Variants in SLC24A3 observed in about 807,000 individuals in gnomAD.
The protein encoded by SLC24A3 is solute carrier family 24 member 3, also known as sodium/potassium/calcium exchanger 3.
A neutral mutation model predicts 75.8 loss-of-function variants in SLC24A3; 28 were observed. The ratio of observed to expected loss-of-function variants is 0.37; its 90% CI spans 0.27 to 0.51. The LOEUF is 0.51. Ranked by LOEUF, SLC24A3 falls within the 20% of genes least tolerant of loss-of-function variation. The probability of loss-of-function intolerance (pLI) is 0.94; values close to 1 mark genes in which losing one functional copy is unlikely to be tolerated. For synonymous variants in SLC24A3, 372 were observed against 334.1 expected, an observed-to-expected ratio of 1.11 and a Z score of -1.24; for missense variants, 663 against 847.8, an observed-to-expected ratio of 0.78 and a Z score of 2.71.
chr20:19,380,311 AAGGAGAGTGCGGTGTGAGAC>A (rs1986158542), intron 2 of SLC24A3, among the ~76,000 whole-genome samples: 1 of 151,828 alleles, frequency 6.6e-6, no homozygotes, highest in Non-Finnish European at 1.5e-5. Context: ...AGAATCAGAA[AAGGAGAGTGCGGTGTGAGAC>A]AGGGCTGGAG....
chr20:19,438,116 A>G (rs1987238297), intron 2 of SLC24A3, among the ~76,000 whole-genome samples: 1 of 152,146 alleles, frequency 6.6e-6, no homozygotes, highest in Non-Finnish European at 1.5e-5. Flanking sequence ...GTTTTTGAAA[A>G]TGTGAAATGA....
chr20:19,639,604 C>G (rs1457693448), intron 6 of SLC24A3, among the ~76,000 whole-genome samples: 1 of 152,270 alleles, frequency 6.6e-6, no homozygotes, highest in Non-Finnish European at 1.5e-5. Context: ...GTGGAGGTGC[C>G]TGCCAGTCCG....
chr20:19,581,229 G>T (rs1348905650), intron 4 of SLC24A3, among the ~76,000 whole-genome samples: 1 of 152,144 alleles, frequency 6.6e-6, no homozygotes, highest in South Asian at 2.1e-4. Flanking sequence ...TGAGAGTGGG[G>T]TCACCTTATG....
intron 1 of SLC24A3, among the ~76,000 whole-genome samples, chr20:19,215,530 C>G (rs1308804215): frequency 6.6e-6 from 1 of 152,114 alleles, no homozygotes; most frequent in Non-Finnish European, 1.5e-5. Flanking sequence ...TTAAATGTAA[C>G]TTCTCAGAAG....
chr20:19,414,935 T>C (rs1031476362), intron 2 of SLC24A3, among the ~76,000 whole-genome samples: 7 of 152,242 alleles, frequency 4.6e-5, no homozygotes, highest in African/African-American at 1.7e-4. Flanking sequence ...TGACTTTGTA[T>C]TGAGTTTTCT....
intron 15 of SLC24A3, among the ~76,000 whole-genome samples, chr20:19,710,801 G>A (rs956307240): frequency 3.0e-4 from 45 of 152,150 alleles, no homozygotes; most frequent in African/African-American, 1.1e-3. Flanking sequence ...TTGAAGTGTG[G>A]ATTACATGAG....
chr20:19,218,101 A>G (rs1047543982), intron 1 of SLC24A3, among the ~76,000 whole-genome samples: 17 of 152,274 alleles, frequency 1.1e-4, no homozygotes, highest in African/African-American at 3.9e-4. Context: ...TATCTTAAAT[A>G]TAGAGGCAAA....
chr20:19,224,851 T>C (rs1186730568), intron 1 of SLC24A3, among the ~76,000 whole-genome samples: 2 of 152,224 alleles, frequency 1.3e-5, no homozygotes, highest in Non-Finnish European at 2.9e-5. Flanking sequence ...TATAAAAATA[T>C]TTAATGCAAA....
intron 2 of SLC24A3, among the ~76,000 whole-genome samples, chr20:19,384,963 C>T (rs2122378746): frequency 6.6e-6 from 1 of 151,938 alleles, no homozygotes; most frequent in Non-Finnish European, 1.5e-5. Context: ...TTATCAGGAC[C>T]CTTGATCATT....
chr20:19,435,249 C>T (rs778322904), intron 2 of SLC24A3, among the ~76,000 whole-genome samples: 2 of 152,240 alleles, frequency 1.3e-5, no homozygotes, highest in African/African-American at 2.4e-5. Flanking sequence ...ATTTTCTCCT[C>T]TGTAAAATGA....
intron 2 of SLC24A3, among the ~76,000 whole-genome samples, chr20:19,447,887 G>T (rs1388761772): frequency 6.6e-6 from 1 of 152,212 alleles, no homozygotes; most frequent in Non-Finnish European, 1.5e-5. Flanking sequence ...CACAGAGTGG[G>T]TACTTCGTGA....
At chr20:19,654,793 G>A (rs547295677) in intron 7 of SLC24A3, among the ~76,000 whole-genome samples, 129 of 151,822 alleles carry the variant, frequency 8.5e-4, no homozygotes, top group African/African-American at 2.6e-3. Context: ...GACTACAGGC[G>A]TGCACCACCA....
chr20:19,582,351 AGGTTGTC>A (rs1409444927), intron 4 of SLC24A3, among the ~76,000 whole-genome samples: 3 of 152,236 alleles, frequency 2.0e-5, no homozygotes, highest in African/African-American at 7.2e-5. Context: ...AAAACACAGA[AGGTTGTC>A]GTTTCCAGCT....
chr20:19,307,020 C>G (rs1438993490), intron 2 of SLC24A3, among the ~76,000 whole-genome samples: 2 of 152,172 alleles, frequency 1.3e-5, no homozygotes, highest in African/African-American at 4.8e-5. Flanking sequence ...TCTGAAGGCT[C>G]TGGCTGTTCT....
chr20:19,224,514 C>T (rs1981824440), intron 1 of SLC24A3, among the ~76,000 whole-genome samples: 1 of 152,126 alleles, frequency 6.6e-6, no homozygotes, highest in African/African-American at 2.4e-5. Flanking sequence ...GGATAAAGGC[C>T]ATGCATGGCT....
intron 6 of SLC24A3, among the ~76,000 whole-genome samples, chr20:19,639,728 GGGT>G (rs2032049824): frequency 6.6e-6 from 1 of 152,250 alleles, no homozygotes; most frequent in Non-Finnish European, 1.5e-5. Context: ...CCCATGGAGT[GGGT>G]GGGAGGCTCA....
At chr20:19,406,227 T>TGAGAGAGA (rs372337464) in intron 2 of SLC24A3, among the ~76,000 whole-genome samples, 1 of 151,410 alleles carries the variant, frequency 6.6e-6, no homozygotes, top group African/African-American at 2.4e-5. Flanking sequence ...TGTGTGTGTG[T>TGAGAGAGA]GAGAGAGAGA....
intron 3 of SLC24A3, among the ~76,000 whole-genome samples, chr20:19,517,610 C>A (rs1340419155): frequency 1.3e-5 from 2 of 152,212 alleles, no homozygotes; most frequent in East Asian, 3.9e-4. Flanking sequence ...CCACTGTTAG[C>A]CCCTGCCCTG....
rs1986991922 is a variant in SLC24A3, at chr20:19,425,533, G to A, written c.272-89955G>A. Among the ~76,000 whole-genome samples, 3 of 152,188 alleles carry A rather than the reference G, an allele frequency of 2.0e-5. No individual in the cohort carries two copies. In the South Asian group the frequency reaches 6.2e-4, roughly 31 times the overall value. On this transcript the variant is annotated intron_variant, in intron 2 of 16. Coordinates refer to ENST00000328041, the MANE Select transcript of SLC24A3 (RefSeq NM_020689.4). The stretch of plus-strand genomic sequence containing the variant: ...GGCAAAAGTACCACATGGGAGAGGT[G>A]GTGGCCTTCCCGTTGCATCGGTTCC...
Sources: allele counts gnomAD v4.1 joint callset (sites outside exome capture counted in the v4.1 genomes callset), GRCh38; gene constraint gnomAD v4.1.1; transcripts MANE v1.5; gene names NCBI Gene and HGNC (gene_info 2026-07-23, HGNC 2026-07-21).